The following CDC20B variants were observed in gnomAD, a reference collection of about 807,000 sequenced individuals.
The protein encoded by CDC20B is cell division cycle protein 20 homolog B.
A neutral mutation model predicts 64.1 loss-of-function variants in CDC20B; 58 were observed. That is an observed-to-expected ratio of 0.90 (90% CI 0.73 to 1.13). The LOEUF (loss-of-function observed/expected upper bound fraction) is 1.13, where lower values mean the gene tolerates loss of function less well. Ranked by LOEUF, CDC20B falls within the 50% of genes most tolerant of loss-of-function variation. The probability of loss-of-function intolerance (pLI) is 0.00; values close to 1 mark genes in which losing one functional copy is unlikely to be tolerated. For missense variants in CDC20B, 597 were observed against 633.0 expected (o/e 0.94, Z 0.61); for synonymous variants, 243 against 230.6 (o/e 1.05, Z -0.49).
chr5:55,127,488 G>T (rs1348554421), intron 7 of CDC20B, 137 bp from the exon 8 acceptor site: 1 of 672,952 alleles, frequency 1.5e-6, no homozygotes. Flanking sequence ...CTAGCCAGCA[G>T]TTCTCAATTC....
At chr5:55,152,585 A>C (rs1224545094) in intron 2 of CDC20B, among the ~76,000 whole-genome samples, 1 of 152,220 alleles carries the variant, frequency 6.6e-6, no homozygotes, top group Non-Finnish European at 1.5e-5. Flanking sequence ...TGTATAGATC[A>C]TTGTCTCTAT....
intron 10 of CDC20B, 76 bp downstream of exon 10, chr5:55,120,349 A>T: frequency 1.9e-6 from 3 of 1,552,294 alleles, no homozygotes; most frequent in Non-Finnish European, 2.7e-6. Flanking sequence ...TGTTGGGGGC[A>T]TAGGCTCTGT....
chr5:55,153,845 G>T (rs1743740465), intron 2 of CDC20B, among the ~76,000 whole-genome samples: 1 of 152,118 alleles, frequency 6.6e-6, no homozygotes, highest in Non-Finnish European at 1.5e-5. Context: ...CATTGCACAG[G>T]CATAAGATGG....
intron 2 of CDC20B, among the ~76,000 whole-genome samples, chr5:55,150,919 TG>T (rs1435841434): frequency 6.6e-6 from 1 of 152,106 alleles, no homozygotes; most frequent in Non-Finnish European, 1.5e-5. Flanking sequence ...CTAATTTTTG[TG>T]TTTTTTGGAG....
rs1742917539 is a variant in CDC20B, at chr5:55,127,294, C to A, written c.952G>T (p.Val318Phe). 6.2e-7 allele frequency: 1 copy of A among 1,614,148 alleles called. No homozygotes were observed. Among genetic ancestry groups the A allele is most frequent in the African/African-American group, 1.3e-5 (1 of 75,058 alleles). The change falls in exon 8 of 12, where the codon GTT (valine) becomes TTT (phenylalanine). Residue 318 changes from valine to phenylalanine, a missense_variant. Physicochemically the swap from Val to Phe is conservative, Grantham distance 50. Around this residue, in one of 3 missense-constraint regions of CDC20B, gnomAD observed 353 missense variants for 397.0 expected, o/e 0.89. Transcript: ENST00000381375. ...LRNMLGHLSV[V>F]GALSWNHFIL... is the part of the protein sequence containing the mutation. Reference sequence around the variant, plus strand: ...AAGTGATTCCAGCTCAGAGCCCCAACTACTGACAAATGACCAAGCATATTT... The same window carrying A: ...AAGTGATTCCAGCTCAGAGCCCCAAATACTGACAAATGACCAAGCATATTT...
rs756000192 is a variant in CDC20B, at chr5:55,125,035, G to T, written c.990-7C>A. 3 of 1,604,456 alleles carry T rather than the reference G, an allele frequency of 1.9e-6. No individual in the cohort carries two copies. The highest frequency in any genetic ancestry group is 2.6e-6 in the Non-Finnish European group (3 of 1,171,944). The stretch of plus-strand genomic sequence containing the variant: ...ACGCCCCAGTCTTGACCCACTGCGA[G>T]TTTACATAACAAAAAAATTAAGCCC... On this transcript the variant is annotated splice_region_variant and splice_polypyrimidine_tract_variant and intron_variant, in intron 8 of 11. Transcript: ENST00000381375.
intron 2 of CDC20B, chr5:55,167,153 G>A (rs1744438610): frequency 6.6e-6 from 1 of 152,200 alleles, no homozygotes; most frequent in Non-Finnish European, 1.5e-5. Context: ...TTTTAACTGT[G>A]GTAACTAATT....
chr5:55,119,449 C>T (rs779718068), intron 11 of CDC20B, among the ~76,000 whole-genome samples: 11 of 152,132 alleles, frequency 7.2e-5, no homozygotes, highest in Non-Finnish European at 1.5e-4. Flanking sequence ...TAATGTCTTG[C>T]CCTTTCAGAT....
At chr5:55,166,380 C>T (rs1438585067) in intron 2 of CDC20B, 1 of 152,246 alleles carries the variant, frequency 6.6e-6, no homozygotes, top group African/African-American at 2.4e-5. Context: ...ATTCAACCTA[C>T]AGACTCTATG....
At chr5:55,161,894 C>T (rs1056653044) in intron 2 of CDC20B, among the ~76,000 whole-genome samples, 1 of 152,134 alleles carries the variant, frequency 6.6e-6, no homozygotes, top group African/African-American at 2.4e-5. Flanking sequence ...CCTCAAGCTA[C>T]CTGGGTTCAA....
intron 2 of CDC20B, among the ~76,000 whole-genome samples, chr5:55,156,604 G>A (rs1406750440): frequency 6.6e-6 from 1 of 152,156 alleles, no homozygotes; most frequent in East Asian, 1.9e-4. Context: ...GGCCAGGCAT[G>A]GTGGCTCATG....
intron 2 of CDC20B, among the ~76,000 whole-genome samples, chr5:55,148,803 G>A (rs1407758768): frequency 6.6e-6 from 1 of 152,218 alleles, no homozygotes; most frequent in African/African-American, 2.4e-5. Flanking sequence ...ATATGTACAG[G>A]GTTTTACACG....
In CDC20B at chr5:55,173,055, G is replaced by A. The variant is rs1744679267; in HGVS notation, c.-55C>T. 2 of 1,506,254 alleles carry A rather than the reference G, an allele frequency of 1.3e-6. No individual in the cohort carries two copies. Among genetic ancestry groups the A allele is most frequent in the African/African-American group, 2.8e-5 (2 of 72,444 alleles). The allele number at this position is 1,506,254 out of a possible 1,614,324, so 93.3% of individuals were successfully genotyped here. The stretch of plus-strand genomic sequence containing the variant: ...TGGCCTCTCTGCTCGACTGCCTCTG[G>A]TTTTCTTCCCAGGTCTAAGTCAGTC... On this transcript the variant is annotated 5_prime_UTR_variant, in exon 1 of 12. Coordinates refer to ENST00000381375, the MANE Select transcript of CDC20B (RefSeq NM_001170402.1).
chr5:55,140,161 TAGAAC>T (rs1580349921), intron 5 of CDC20B, among the ~76,000 whole-genome samples, 148 bp downstream of exon 5: 1 of 152,136 alleles, frequency 6.6e-6, no homozygotes, highest in African/African-American at 2.4e-5. Context: ...TAGGGGTAGT[TAGAAC>T]AGAGGATTAT....
chr5:55,116,431 A>G (rs188757565), intron 11 of CDC20B, among the ~76,000 whole-genome samples: 1 of 152,212 alleles, frequency 6.6e-6, no homozygotes, highest in Non-Finnish European at 1.5e-5. Context: ...ATATAATAGA[A>G]CATTACTCTA....
intron 5 of CDC20B, chr5:55,137,548 G>A: frequency 2.2e-6 from 1 of 456,742 alleles, no homozygotes; most frequent in Non-Finnish European, 4.4e-6. Flanking sequence ...ACAGAGCCTT[G>A]CATAGAGTAT....
chr5:55,129,974 A>ATCT (rs1481539125), intron 6 of CDC20B, among the ~76,000 whole-genome samples: 7 of 152,238 alleles, frequency 4.6e-5, no homozygotes, highest in African/African-American at 9.6e-5. Context: ...AACATAACCA[A>ATCT]TAGATGAAAA....
chr5:55,157,911 C>T (rs535260522), intron 2 of CDC20B, among the ~76,000 whole-genome samples: 42 of 152,306 alleles, frequency 2.8e-4, no homozygotes, highest in Non-Finnish European at 4.3e-4. Context: ...GCTCAAATTA[C>T]AGCAGGTATT....
intron 11 of CDC20B, among the ~76,000 whole-genome samples, chr5:55,115,740 ACT>A (rs1267979501): frequency 6.6e-6 from 1 of 152,168 alleles, no homozygotes; most frequent in Non-Finnish European, 1.5e-5. Flanking sequence ...ATGATCGTGT[ACT>A]CTGATACAAG....
Sources: allele counts gnomAD v4.1 joint callset (sites outside exome capture counted in the v4.1 genomes callset), GRCh38; gene constraint gnomAD v4.1.1; regional missense constraint gnomAD v4.1.1; transcripts MANE v1.5; gene names NCBI Gene and HGNC (gene_info 2026-07-23, HGNC 2026-07-21).